Variants in ART3 observed in about 807,000 individuals in gnomAD.
The protein encoded by ART3 is ecto-ADP-ribosyltransferase 3.
ART3 carries 49 observed loss-of-function variants against 48.5 expected under a neutral mutation model. That is an observed-to-expected ratio of 1.01 (90% CI 0.80 to 1.28). The LOEUF is 1.28. Among genes scored for constraint, ART3 ranks in the 50% most tolerant of loss-of-function variants. ART3 has a pLI of 0.00. For missense variants in ART3, 438 were observed against 454.3 expected, an observed-to-expected ratio of 0.96 and a Z score of 0.33; for synonymous variants, 145 against 157.2, an observed-to-expected ratio of 0.92 and a Z score of 0.58.
At chr4:76,042,834 G>T (rs935792730) in intron 1 of ART3, among the ~76,000 whole-genome samples, 1 of 151,248 alleles carries the variant, frequency 6.6e-6, no homozygotes, top group African/African-American at 2.4e-5. Flanking sequence ...AAGGGGACCT[G>T]AGCGGGTTGC....
chr4:76,051,337 A>T (rs893508419), intron 1 of ART3, among the ~76,000 whole-genome samples: 8 of 152,044 alleles, frequency 5.3e-5, no homozygotes, highest in African/African-American at 1.9e-4. Context: ...TACTACTGTG[A>T]GTTTCTTATA....
In ART3 at chr4:76,069,386, C is replaced by CTTTT. The variant is rs34858048; in HGVS notation, c.-9-6477_-9-6474dup. The stretch of plus-strand genomic sequence containing the variant: ...ATGTAAATGTATCAGTACTTAATTC[C>CTTTT]TTTTTTTTTTTTTTTTTTTTTGAGA... On this transcript the variant is annotated intron_variant, in intron 1 of 9. Transcript: ENST00000341029. 4.3e-3 allele frequency among the ~76,000 whole-genome samples: 470 copies of CTTTT among 110,100 alleles called. 10 individuals are homozygous for CTTTT. The highest frequency in any genetic ancestry group is 0.016 in the East Asian group (49 of 3,134). The allele number at this position is 110,100 out of a possible 152,430, so 72.2% of individuals were successfully genotyped here. A position where few individuals can be genotyped will look rare whatever the true frequency, so the allele number is the denominator to read the frequency against.
intron 1 of ART3, chr4:76,035,345 A>G (rs1734281877): frequency 2.5e-6 from 4 of 1,613,576 alleles, no homozygotes; most frequent in Non-Finnish European, 3.4e-6. Flanking sequence ...GGGGAAGCCT[A>G]GAATAGATCA....
intron 3 of ART3, among the ~76,000 whole-genome samples, chr4:76,094,706 G>T (rs191576071): frequency 6.6e-6 from 1 of 152,218 alleles, no homozygotes; most frequent in Non-Finnish European, 1.5e-5. Context: ...TTGACCTTGT[G>T]GGTTCTTTCT....
intron 10 of ART3, chr4:76,106,289 A>G (rs1728453119): frequency 2.0e-6 from 2 of 985,392 alleles, no homozygotes; most frequent in Non-Finnish European, 2.4e-6. Flanking sequence ...AAAATATGGT[A>G]ATATCATAAT....
intron 1 of ART3, among the ~76,000 whole-genome samples, chr4:76,044,661 C>T (rs1469783418): frequency 6.6e-6 from 1 of 151,704 alleles, no homozygotes; most frequent in African/African-American, 2.4e-5. Context: ...CTCTTTCTGA[C>T]TCCTTTTCTT....
chr4:76,014,282 A>G (rs542778701), intron 1 of ART3, among the ~76,000 whole-genome samples: 1 of 152,298 alleles, frequency 6.6e-6, no homozygotes, highest in East Asian at 1.9e-4. Context: ...AAAGAACTAA[A>G]GGAAATCATG....
intron 1 of ART3, among the ~76,000 whole-genome samples, chr4:76,042,265 C>A (rs1735040726): frequency 6.6e-6 from 1 of 152,150 alleles, no homozygotes; most frequent in African/African-American, 2.4e-5. Flanking sequence ...TCACCATTCA[C>A]CAGGTCTCTG....
rs188848088 is a variant in ART3, at chr4:76,055,925, C to T, written c.-9-19956C>T. On this transcript the variant is annotated intron_variant, in intron 1 of 9. Coordinates refer to the ART3 transcript ENST00000341029. ...AAAAGAGAGAAGCCTGTGTTATTTT[C>T]TGCATTTAGCTGTGATGAACAGAAT... Among the ~76,000 whole-genome samples the T allele has an allele frequency of 2.1e-4, 32 of 152,296 alleles. No homozygotes were observed. The East Asian group carries it at 6.2e-3, about 29-fold the overall frequency.
intron 1 of ART3, among the ~76,000 whole-genome samples, chr4:76,018,251 A>T (rs1293908656): frequency 6.6e-6 from 1 of 152,238 alleles, no homozygotes; most frequent in Non-Finnish European, 1.5e-5. Context: ...TACACCATGG[A>T]ATACTAAAAA....
Position 76,112,544 on chromosome 4 carries a change from ATTCT to A in ART3, c.*28_*31del. The stretch of plus-strand genomic sequence containing the variant: ...GTTTGATGCATTGTTTATCTTTCTT[ATTCT>A]TTACTTGAAATAACTATAGGGATCC... On this transcript the variant is annotated 3_prime_UTR_variant, in exon 12 of 12. Transcript: ENST00000355810. 2 of 1,597,294 alleles carry A rather than the reference ATTCT, an allele frequency of 1.3e-6. No homozygotes were observed. The highest frequency in any genetic ancestry group is 1.1e-5 in the South Asian group (1 of 89,198).
At chr4:76,104,793 C>G (rs779871875) in intron 10 of ART3, among the ~76,000 whole-genome samples, 164 bp downstream of exon 10, 35 of 152,186 alleles carry the variant, frequency 2.3e-4, no homozygotes, top group Non-Finnish European at 4.6e-4. Flanking sequence ...ACTATAAAAC[C>G]ATGGAATCTC....
chr4:76,088,664 C>G (rs1325565963), intron 3 of ART3, among the ~76,000 whole-genome samples: 1 of 152,000 alleles, frequency 6.6e-6, no homozygotes, highest in Non-Finnish European at 1.5e-5. Context: ...CTGGGATTGT[C>G]TAAGATTGAG....
intron 2 of ART3, among the ~76,000 whole-genome samples, chr4:76,077,762 T>C (rs1489109703): frequency 6.6e-6 from 1 of 152,178 alleles, no homozygotes; most frequent in African/African-American, 2.4e-5. Context: ...ATGTTAACTT[T>C]TTTAGGAACT....
At chr4:76,089,668 A>T (rs1724404811) in intron 3 of ART3, among the ~76,000 whole-genome samples, 1 of 152,226 alleles carries the variant, frequency 6.6e-6, no homozygotes, top group African/African-American at 2.4e-5. Flanking sequence ...GATATATGTC[A>T]TCAAACAGTT....
intron 1 of ART3, among the ~76,000 whole-genome samples, chr4:76,033,080 T>C (rs1421178727): frequency 6.6e-6 from 1 of 152,190 alleles, no homozygotes; most frequent in Admixed American, 6.5e-5. Flanking sequence ...GGTGCCTATA[T>C]AGAGAGTACT....
intron 2 of ART3, among the ~76,000 whole-genome samples, chr4:76,077,519 T>G (rs565864564): frequency 6.6e-6 from 1 of 152,342 alleles, no homozygotes; most frequent in African/African-American, 2.4e-5. Context: ...TTTTTCTTTT[T>G]AAAAAATTTT....
chr4:76,107,617 C>G, intron 10 of ART3, 144 bp from the exon 11 acceptor site: 1 of 501,976 alleles, frequency 2.0e-6, no homozygotes, highest in Non-Finnish European at 3.6e-6. Context: ...TTCCCCTAAC[C>G]CCACACATAC....
At chr4:76,075,736 G>T (rs533863223) in intron 1 of ART3, 145 bp from the exon 2 acceptor site, 1 of 601,884 alleles carries the variant, frequency 1.7e-6, no homozygotes, top group South Asian at 2.6e-5. Context: ...CTTGTAGCCC[G>T]TTAGGAATTT....
Sources: gnomAD v4.1 joint callset for allele counts (sites outside exome capture counted in the v4.1 genomes callset) on GRCh38, gnomAD v4.1.1 for gene constraint, MANE v1.5 for transcripts, NCBI Gene and HGNC (gene_info 2026-07-23, HGNC 2026-07-21) for gene names.